AFG2A: variants seen among roughly 807,000 people sequenced by gnomAD.
AFG2A encodes the protein AAA ATPase AFG2A.
At chr4:123,079,745 C>CTT in the AFG2A span, among the ~76,000 whole-genome samples, 4,351 of 72,732 alleles carry the variant, frequency 0.06, 516 homozygotes, top group African/African-American at 0.14. Flanking sequence ...TCTTTTCCTT[C>CTT]TTTTTTTTTT....
chr4:123,082,170 A>C, the AFG2A span, among the ~76,000 whole-genome samples: 1 of 152,050 alleles, frequency 6.6e-6, no homozygotes, highest in Non-Finnish European at 1.5e-5. Flanking sequence ...TTTGTGGATG[A>C]TGTCATTGCC....
At chr4:122,924,017 G>GA in the AFG2A span, among the ~76,000 whole-genome samples, 2 of 152,180 alleles carry the variant, frequency 1.3e-5, no homozygotes, top group Non-Finnish European at 2.9e-5. Context: ...ATTAAAAATT[G>GA]AAAATTTATA....
At chr4:123,147,866 A>G in the AFG2A span, among the ~76,000 whole-genome samples, 1 of 152,310 alleles carries the variant, frequency 6.6e-6, no homozygotes, top group East Asian at 1.9e-4. Context: ...TGCTCATTCA[A>G]TCCAGAAGAA....
At chr4:123,143,939 G>GT in the AFG2A span, among the ~76,000 whole-genome samples, 4 of 150,414 alleles carry the variant, frequency 2.7e-5, no homozygotes, top group Non-Finnish European at 5.9e-5. Context: ...GACTACTGGT[G>GT]TTTTGTAAGG....
At chr4:123,286,160 C>A in the AFG2A span, among the ~76,000 whole-genome samples, 1 of 152,052 alleles carries the variant, frequency 6.6e-6, no homozygotes, top group African/African-American at 2.4e-5. Flanking sequence ...AGCTCTTCTC[C>A]CCTAAAGGAA....
the AFG2A span, among the ~76,000 whole-genome samples, chr4:123,284,621 T>C: frequency 6.6e-6 from 1 of 152,232 alleles, no homozygotes; most frequent in East Asian, 1.9e-4. Context: ...TCCGAAGTTT[T>C]TGAATAATCA....
At chr4:123,040,895 C>T in the AFG2A span, among the ~76,000 whole-genome samples, 1 of 151,858 alleles carries the variant, frequency 6.6e-6, no homozygotes, top group Non-Finnish European at 1.5e-5. Context: ...AGTTTAAGTA[C>T]CAATGTACAA....
the AFG2A span, among the ~76,000 whole-genome samples, chr4:123,179,046 A>T: frequency 6.6e-6 from 1 of 152,196 alleles, no homozygotes; most frequent in Admixed American, 6.5e-5. Context: ...CCATTCCTAG[A>T]TATATCATTT....
At chr4:123,247,700 T>C in the AFG2A span, among the ~76,000 whole-genome samples, 3 of 152,192 alleles carry the variant, frequency 2.0e-5, no homozygotes. Flanking sequence ...AGTGCTGGGA[T>C]TACAGTTGTG....
the AFG2A span, among the ~76,000 whole-genome samples, chr4:123,110,460 G>T: frequency 6.6e-6 from 1 of 152,114 alleles, no homozygotes; most frequent in Non-Finnish European, 1.5e-5. Flanking sequence ...AAGTAAAAAT[G>T]TAATCCAAGC....
the AFG2A span, among the ~76,000 whole-genome samples, chr4:123,156,407 A>G: frequency 2.6e-5 from 4 of 152,204 alleles, no homozygotes; most frequent in Non-Finnish European, 5.9e-5. Flanking sequence ...ATTAATGTCA[A>G]TAATAGAATT....
the AFG2A span, among the ~76,000 whole-genome samples, chr4:123,053,387 G>A: frequency 1.3e-5 from 2 of 152,344 alleles, no homozygotes; most frequent in East Asian, 3.9e-4. Context: ...TCACCCAGAT[G>A]AGTGTGCCTT....
the AFG2A span, among the ~76,000 whole-genome samples, chr4:123,240,959 C>T: frequency 5.9e-5 from 9 of 152,168 alleles, no homozygotes; most frequent in East Asian, 7.7e-4. Flanking sequence ...ATATCACCAC[C>T]GATCCCACAG....
At chr4:123,157,255 C>T in the AFG2A span, among the ~76,000 whole-genome samples, 1 of 151,990 alleles carries the variant, frequency 6.6e-6, no homozygotes, top group African/African-American at 2.4e-5. Flanking sequence ...AACTCTCAAC[C>T]TCAAGTGATC....
At chr4:123,296,175 CAAA>C in the AFG2A span, among the ~76,000 whole-genome samples, 1 of 121,566 alleles carries the variant, frequency 8.2e-6, no homozygotes. Context: ...AGTACTTGTT[CAAA>C]AAAAAAAAAA....
the AFG2A span, chr4:123,316,908 T>C: frequency 1.3e-5 from 2 of 152,250 alleles, no homozygotes; most frequent in Admixed American, 6.5e-5. Flanking sequence ...CCTGTGCTTT[T>C]GATTTTTAAA....
the AFG2A span, among the ~76,000 whole-genome samples, chr4:123,292,720 T>C: frequency 6.6e-6 from 1 of 152,170 alleles, no homozygotes; most frequent in Non-Finnish European, 1.5e-5. Context: ...AGGTTCACTG[T>C]CTCGTGGGGC....
the AFG2A span, among the ~76,000 whole-genome samples, chr4:123,003,239 C>G: frequency 1.3e-5 from 2 of 152,220 alleles, no homozygotes; most frequent in East Asian, 1.9e-4. Flanking sequence ...ACTTCTTTGC[C>G]TTTGGTTTGA....
the AFG2A span, among the ~76,000 whole-genome samples, chr4:123,297,718 C>CAA: frequency 7.9e-4 from 113 of 143,630 alleles, 1 homozygote; most frequent in Admixed American, 2.2e-3. Context: ...GACTCCATCT[C>CAA]AAAAAAAAAA....
Sources: allele counts gnomAD v4.1 joint callset (sites outside exome capture counted in the v4.1 genomes callset), GRCh38; gene constraint gnomAD v4.1.1; transcripts MANE v1.5; gene names NCBI Gene and HGNC (gene_info 2026-07-23, HGNC 2026-07-21).